COP1: variants seen among roughly 807,000 people sequenced by gnomAD.
COP1 encodes the protein COP1 E3 ubiquitin ligase, also known as E3 ubiquitin-protein ligase COP1.
COP1 carries 24 observed loss-of-function variants against 101.3 expected under a neutral mutation model. That is an observed-to-expected ratio of 0.24 (90% CI 0.17 to 0.33). COP1 has a LOEUF of 0.33. Among genes scored for constraint, COP1 ranks in the 10% least tolerant of loss-of-function variants. The probability of loss-of-function intolerance (pLI) is 1.00; values close to 1 mark genes in which losing one functional copy is unlikely to be tolerated. For missense variants in COP1, 663 were observed against 906.2 expected (o/e 0.73, Z 3.45); for synonymous variants, 347 against 341.9 (o/e 1.01, Z -0.17).
intron 6 of COP1, among the ~76,000 whole-genome samples, chr1:176,138,828 T>C (rs1165258480): frequency 1.3e-5 from 2 of 152,300 alleles, no homozygotes; most frequent in South Asian, 2.1e-4. Context: ...TTTGGGTTCA[T>C]GGACATTTTC....
chr1:176,028,734 T>A (rs1668157294), intron 14 of COP1, among the ~76,000 whole-genome samples: 1 of 135,674 alleles, frequency 7.4e-6, no homozygotes, highest in African/African-American at 2.7e-5. Context: ...TATAGTTTTA[T>A]ATATATTATT....
intron 1 of COP1, among the ~76,000 whole-genome samples, chr1:176,191,928 T>A (rs77987810): frequency 1.4e-3 from 212 of 152,228 alleles, no homozygotes; most frequent in African/African-American, 4.9e-3. Flanking sequence ...CATTTTAGAC[T>A]GTAATTTAAC....
intron 11 of COP1, among the ~76,000 whole-genome samples, chr1:176,053,501 T>C (rs1327610270): frequency 6.6e-6 from 1 of 152,198 alleles, no homozygotes; most frequent in Non-Finnish European, 1.5e-5. Context: ...TAACTATATA[T>C]AGATGATTAA....
At chr1:175,961,394 C>T (rs1651326347) in intron 18 of COP1, among the ~76,000 whole-genome samples, 1 of 152,112 alleles carries the variant, frequency 6.6e-6, no homozygotes, top group African/African-American at 2.4e-5. Context: ...AATTTCATGC[C>T]ACTTTATTCA....
At chr1:176,183,955 T>C (rs974313899) in intron 2 of COP1, among the ~76,000 whole-genome samples, 3 of 152,126 alleles carry the variant, frequency 2.0e-5, no homozygotes, top group East Asian at 1.9e-4. Flanking sequence ...TGGGGAATTG[T>C]TGTTTAATGA....
At chr1:175,986,735 G>A (rs944441897) in intron 18 of COP1, among the ~76,000 whole-genome samples, 1 of 152,198 alleles carries the variant, frequency 6.6e-6, no homozygotes, top group African/African-American at 2.4e-5. Context: ...ATGGGTCACA[G>A]AGGGACATTA....
At chr1:176,164,724 A>AG (rs1694834093) in intron 3 of COP1, among the ~76,000 whole-genome samples, 1 of 152,190 alleles carries the variant, frequency 6.6e-6, no homozygotes, top group Non-Finnish European at 1.5e-5. Flanking sequence ...ACTGATAACT[A>AG]GTTCTAGAAA....
intron 15 of COP1, among the ~76,000 whole-genome samples, chr1:176,025,493 A>G (rs1178328835): frequency 6.6e-6 from 1 of 151,856 alleles, no homozygotes; most frequent in Non-Finnish European, 1.5e-5. Flanking sequence ...AGAGTGGACA[A>G]TAAAATTTTA....
chr1:175,990,752 C>G (rs1437135127), intron 15 of COP1, among the ~76,000 whole-genome samples: 1 of 152,058 alleles, frequency 6.6e-6, no homozygotes. Context: ...GATTTCTACT[C>G]TAAGTATATT....
At chr1:176,020,411 G>T (rs1334792572) in intron 15 of COP1, among the ~76,000 whole-genome samples, 2 of 152,002 alleles carry the variant, frequency 1.3e-5, no homozygotes, top group Non-Finnish European at 2.9e-5. Flanking sequence ...TGTAAGGCTG[G>T]GCATGGTGGC....
At chr1:176,127,027 G>A (rs1465392807) in intron 8 of COP1, among the ~76,000 whole-genome samples, 1 of 152,030 alleles carries the variant, frequency 6.6e-6, no homozygotes, top group Non-Finnish European at 1.5e-5. Flanking sequence ...TGAGAACAGG[G>A]TTCTAGGGTC....
At chr1:176,144,063 C>T (rs768170400) in intron 6 of COP1, among the ~76,000 whole-genome samples, 34 of 152,056 alleles carry the variant, frequency 2.2e-4, no homozygotes, top group African/African-American at 5.3e-4. Context: ...TAGGATGCCC[C>T]GCTATCACCA....
intron 15 of COP1, among the ~76,000 whole-genome samples, chr1:176,008,209 C>CG (rs1359157275): frequency 6.6e-6 from 1 of 152,190 alleles, no homozygotes; most frequent in Non-Finnish European, 1.5e-5. Context: ...AGCTCGCGCA[C>CG]GGTGCACGCA....
chr1:176,025,364 C>T (rs1667483925), intron 15 of COP1, among the ~76,000 whole-genome samples: 1 of 150,856 alleles, frequency 6.6e-6, no homozygotes, highest in South Asian at 2.1e-4. Context: ...AACCCAAACA[C>T]TACTAAAAAG....
chr1:175,984,305 G>C (rs180910265), intron 18 of COP1, among the ~76,000 whole-genome samples: 1 of 152,232 alleles, frequency 6.6e-6, no homozygotes, highest in East Asian at 1.9e-4. Flanking sequence ...GGGGCCAACA[G>C]AGAACTCGAG....
rs1339194571 is a variant in COP1 at position 175,945,014 on chromosome 1, A to T, written c.*139T>A. 1 of 718,866 alleles carries T rather than the reference A, an allele frequency of 1.4e-6. No individual in the cohort carries two copies. Among genetic ancestry groups the T allele is most frequent in the African/African-American group, 1.9e-5 (1 of 53,460 alleles). 44.5% of individuals were successfully genotyped at this position (718,866 alleles called of 1,614,324 possible). A position where few individuals can be genotyped will look rare whatever the true frequency, so the allele number is the denominator to read the frequency against. ...CATAAAGGAGGGAAAAGAAAAAAAGAAAAAAATATTCAAAACAAATCCAAA... is the reference window on the plus strand; with the variant it reads ...CATAAAGGAGGGAAAAGAAAAAAAGTAAAAAATATTCAAAACAAATCCAAA... On this transcript the variant is annotated 3_prime_UTR_variant, in exon 20 of 20. Coordinates refer to ENST00000367669, the MANE Select transcript of COP1 (RefSeq NM_022457.7).
intron 6 of COP1, among the ~76,000 whole-genome samples, chr1:176,144,815 G>T (rs1012606333): frequency 5.3e-5 from 8 of 152,096 alleles, no homozygotes; most frequent in African/African-American, 1.9e-4. Context: ...TGGGCAGCTA[G>T]ATATCCATAT....
chr1:175,995,581 C>T (rs914551283), intron 15 of COP1, among the ~76,000 whole-genome samples: 1 of 152,176 alleles, frequency 6.6e-6, no homozygotes, highest in Admixed American at 6.5e-5. Context: ...ACCGATCCCA[C>T]AGAAATACAA....
intron 5 of COP1, among the ~76,000 whole-genome samples, chr1:176,158,636 T>A (rs1233088518): frequency 4.5e-5 from 6 of 133,292 alleles, no homozygotes; most frequent in Admixed American, 7.5e-5. Flanking sequence ...GGTTCTTTTT[T>A]TTTTTTTTTT....
Sources: allele counts gnomAD v4.1 joint callset (sites outside exome capture counted in the v4.1 genomes callset), GRCh38; gene constraint gnomAD v4.1.1; transcripts MANE v1.5; gene names NCBI Gene and HGNC (gene_info 2026-07-23, HGNC 2026-07-21).